Variants in MGRN1 observed in about 807,000 individuals in gnomAD.
The protein encoded by MGRN1 is mahogunin ring finger 1, also known as E3 ubiquitin-protein ligase MGRN1.
A neutral mutation model predicts 69.2 loss-of-function variants in MGRN1; 29 were observed. The ratio of observed to expected loss-of-function variants is 0.42; its 90% CI spans 0.31 to 0.57. The LOEUF (loss-of-function observed/expected upper bound fraction) is 0.57. Ranked by LOEUF, MGRN1 falls within the 20% of genes least tolerant of loss-of-function variation. The probability of loss-of-function intolerance (pLI) is 0.15; values close to 1 mark genes in which losing one functional copy is unlikely to be tolerated. For synonymous variants in MGRN1, 470 were observed against 344.2 expected, an observed-to-expected ratio of 1.37 and a Z score of -4.04; for missense variants, 998 against 796.2, an observed-to-expected ratio of 1.25 and a Z score of -3.05.
chr16:4,677,589 G>T lies in MGRN1; in HGVS notation c.1065+17G>T, dbSNP rs2079081093. On this transcript the variant is annotated intron_variant, in intron 11 of 16. Coordinates refer to ENST00000262370, the MANE Select transcript of MGRN1 (RefSeq NM_015246.4). ...GAGCACTCTGTAAGTGCCGCCTCCT[G>T]CCTGCGGGATGGGCGGGAGAGGGGC... is the stretch of plus-strand genomic sequence containing the variant. 6.3e-7 allele frequency: 1 copy of T among 1,596,934 alleles called. No homozygotes were observed. Among genetic ancestry groups the T allele is most frequent in the Non-Finnish European group, 8.5e-7 (1 of 1,177,722 alleles).
At chr16:4,635,775 C>T (rs1196152712) in intron 1 of MGRN1, among the ~76,000 whole-genome samples, 2 of 151,376 alleles carry the variant, frequency 1.3e-5, no homozygotes, top group South Asian at 2.1e-4. Context: ...GCTGGGATTA[C>T]AGGTGCCCAC....
At chr16:4,655,925 C>T (rs1451284636) in intron 4 of MGRN1, among the ~76,000 whole-genome samples, 1 of 152,250 alleles carries the variant, frequency 6.6e-6, no homozygotes, top group Non-Finnish European at 1.5e-5. Flanking sequence ...TTAACTGTGC[C>T]TTTTACTGAG....
intron 1 of MGRN1, among the ~76,000 whole-genome samples, chr16:4,637,699 C>A (rs1042090335): frequency 6.6e-6 from 1 of 152,238 alleles, no homozygotes; most frequent in African/African-American, 2.4e-5. Flanking sequence ...TCCTGCAGAG[C>A]GCCCCAGCTG....
intron 16 of MGRN1, chr16:4,687,778 A>T (rs1054842849): frequency 4.1e-6 from 4 of 985,226 alleles, no homozygotes; most frequent in Non-Finnish European, 4.8e-6. Flanking sequence ...AGGCTCTAAG[A>T]GGCCCTTTCC....
intron 2 of MGRN1, among the ~76,000 whole-genome samples, chr16:4,651,653 C>T (rs756683209): frequency 7.9e-5 from 12 of 151,640 alleles, no homozygotes; most frequent in Admixed American, 1.3e-4. Flanking sequence ...TGAGGGTGCT[C>T]GGGGCAGTGA....
intron 9 of MGRN1, 115 bp downstream of exon 9, chr16:4,671,574 G>A (rs1196792961): frequency 1.0e-5 from 9 of 865,222 alleles, no homozygotes; most frequent in African/African-American, 1.7e-5. Flanking sequence ...TCCTAGACCC[G>A]CTAGACAACA....
chr16:4,627,750 A>C (rs1003054180), intron 1 of MGRN1, among the ~76,000 whole-genome samples: 8 of 151,140 alleles, frequency 5.3e-5, no homozygotes, highest in African/African-American at 2.0e-4. Flanking sequence ...AGATTGCGCC[A>C]CTGCACTCCA....
intron 16 of MGRN1, among the ~76,000 whole-genome samples, chr16:4,684,312 T>C (rs1257058918): frequency 1.3e-5 from 2 of 152,206 alleles, no homozygotes; most frequent in Non-Finnish European, 2.9e-5. Context: ...CACCACATGT[T>C]CCCCCACTCC....
intron 3 of MGRN1, 68 bp downstream of exon 3, chr16:4,652,119 T>C (rs2078422607): frequency 4.0e-6 from 6 of 1,501,584 alleles, no homozygotes; most frequent in Non-Finnish European, 5.5e-6. Flanking sequence ...AGGTTCTGGC[T>C]TGATGCTTGA....
At chr16:4,648,698 G>A (rs1362275922) in intron 1 of MGRN1, among the ~76,000 whole-genome samples, 2 of 103,150 alleles carry the variant, frequency 1.9e-5, no homozygotes, top group South Asian at 3.4e-4. Flanking sequence ...TCCTCCTCCC[G>A]GGGGCTCTTC....
chr16:4,669,213 C>G (rs577472878), intron 8 of MGRN1: 1 of 152,202 alleles, frequency 6.6e-6, no homozygotes, highest in Non-Finnish European at 1.5e-5. Flanking sequence ...GTGGGCAGAT[C>G]ACTTGAGCCC....
intron 12 of MGRN1, among the ~76,000 whole-genome samples, chr16:4,680,928 C>T (rs1009262847): frequency 6.6e-6 from 1 of 152,262 alleles, no homozygotes; most frequent in African/African-American, 2.4e-5. Flanking sequence ...TGCCCCTCAA[C>T]CTGGTTTTGT....
At chr16:4,638,354 A>G (rs1489419203) in intron 1 of MGRN1, among the ~76,000 whole-genome samples, 1 of 151,988 alleles carries the variant, frequency 6.6e-6, no homozygotes, top group Non-Finnish European at 1.5e-5. Context: ...AATCTCAGCT[A>G]TTTGGAAGGC....
chr16:4,644,954 C>A (rs1289711114), intron 1 of MGRN1, among the ~76,000 whole-genome samples: 2 of 152,022 alleles, frequency 1.3e-5, no homozygotes, highest in African/African-American at 4.8e-5. Context: ...TGTCTCTAAT[C>A]TTTTAAAAAT....
intron 3 of MGRN1, 37 bp from the exon 4 acceptor site, chr16:4,652,641 G>A (rs568122259): frequency 3.9e-5 from 62 of 1,580,042 alleles, no homozygotes; most frequent in South Asian, 2.5e-4. Context: ...AGATGGGGCC[G>A]CTGACCCGCT....
chr16:4,688,959 G>A lies in MGRN1; in HGVS notation c.*51G>A, dbSNP rs747411588. 10 of 1,501,948 alleles carry A rather than the reference G, an allele frequency of 6.7e-6. No individual in the cohort carries two copies. Among genetic ancestry groups the A allele is most frequent in the Middle Eastern group, 2.0e-4 (1 of 5,098 alleles). 93.0% of individuals were successfully genotyped at this position (1,501,948 alleles called of 1,614,324 possible). The stretch of plus-strand genomic sequence containing the variant: ...AGCCCTCGGCTCCCCAGACTTTGCC[G>A]AGGGGCTGCTCCGGACCCCGTTGTG... On this transcript the variant is annotated 3_prime_UTR_variant, in exon 17 of 17. Coordinates refer to ENST00000262370, the MANE Select transcript of MGRN1 (RefSeq NM_015246.4).
At chr16:4,664,375 T>G (rs2078751813) in intron 5 of MGRN1, 2 of 355,150 alleles carry the variant, frequency 5.6e-6, no homozygotes, top group Admixed American at 4.5e-5. Context: ...GGGGAGTGTG[T>G]GGGTGCTGAT....
At chr16:4,628,990 C>A (rs544199015) in intron 1 of MGRN1, among the ~76,000 whole-genome samples, 1 of 152,268 alleles carries the variant, frequency 6.6e-6, no homozygotes, top group East Asian at 1.9e-4. Flanking sequence ...GCACTGGCCA[C>A]TATGCCAGGC....
At chr16:4,669,560 G>T (rs2078893976) in intron 8 of MGRN1, among the ~76,000 whole-genome samples, 1 of 152,082 alleles carries the variant, frequency 6.6e-6, no homozygotes, top group South Asian at 2.1e-4. Context: ...AGGGACGCCT[G>T]CAGGCCCTGA....
Sources: allele counts gnomAD v4.1 joint callset (sites outside exome capture counted in the v4.1 genomes callset), GRCh38; gene constraint gnomAD v4.1.1; transcripts MANE v1.5; gene names NCBI Gene and HGNC (gene_info 2026-07-23, HGNC 2026-07-21).